Variants in GLIS1 observed in about 807,000 individuals in gnomAD.
GLIS1 encodes the protein GLIS family zinc finger 1.
A neutral mutation model predicts 63.8 loss-of-function variants in GLIS1; 24 were observed. That is an observed-to-expected ratio of 0.38 (90% CI 0.27 to 0.53). The LOEUF is 0.53. GLIS1 is among the 20% of genes least tolerant of loss of function. The probability of loss-of-function intolerance (pLI) is 0.85; values close to 1 mark genes in which losing one functional copy is unlikely to be tolerated. For synonymous variants in GLIS1, 450 were observed against 482.5 expected (o/e 0.93, Z 0.88); for missense variants, 1,036 against 1,074.1 (o/e 0.96, Z 0.50).
At chr1:53,693,407 G>A (rs896920751) in intron 2 of GLIS1, among the ~76,000 whole-genome samples, 1 of 152,160 alleles carries the variant, frequency 6.6e-6, no homozygotes, top group South Asian at 2.1e-4. Context: ...CCCAGCCCTC[G>A]GGGGCAGGCA....
chr1:53,702,839 T>G (rs1173424944), intron 2 of GLIS1, among the ~76,000 whole-genome samples: 1 of 152,152 alleles, frequency 6.6e-6, no homozygotes, highest in Non-Finnish European at 1.5e-5. Flanking sequence ...CTCAGGATCT[T>G]GTCTGCAGAA....
intron 2 of GLIS1, among the ~76,000 whole-genome samples, chr1:53,651,477 G>A (rs1645906406): frequency 6.6e-6 from 1 of 152,126 alleles, no homozygotes. Flanking sequence ...CACAAAACTT[G>A]AGACCCAAAT....
In GLIS1 at chr1:53,642,247, G is replaced by A. The variant is rs1467755870; in HGVS notation, c.260-41969C>T. 2.0e-5 allele frequency among the ~76,000 whole-genome samples: 3 copies of A among 152,262 alleles called. No homozygotes were observed. The East Asian group carries it at 5.8e-4, about 29-fold the overall frequency. On this transcript the variant is annotated intron_variant, in intron 2 of 10. Transcript: ENST00000628545. ...ACAAAGATTCAGATGGTGGGACACT[G>A]TAATTATAAACATCAGCAGCTTGGC...
At chr1:53,588,620 G>A (rs1316835937) in intron 4 of GLIS1, among the ~76,000 whole-genome samples, 1 of 152,226 alleles carries the variant, frequency 6.6e-6, no homozygotes, top group African/African-American at 2.4e-5. Flanking sequence ...AATGGGTGAG[G>A]GGTGTGTGCT....
chr1:53,524,913 G>A (rs751478831), intron 5 of GLIS1, 26 bp from the exon 6 acceptor site: 11 of 1,543,814 alleles, frequency 7.1e-6, no homozygotes, highest in African/African-American at 2.7e-5. Flanking sequence ...CACGGGTGGG[G>A]TGAGTGAGGC....
At chr1:53,538,559 C>T (rs907793166) in intron 4 of GLIS1, among the ~76,000 whole-genome samples, 7 of 152,150 alleles carry the variant, frequency 4.6e-5, no homozygotes, top group African/African-American at 1.4e-4. Flanking sequence ...TAGCCATGAT[C>T]GAGCACTGCC....
intron 2 of GLIS1, among the ~76,000 whole-genome samples, chr1:53,616,794 G>T (rs1172198636): frequency 6.6e-6 from 1 of 152,148 alleles, no homozygotes; most frequent in Non-Finnish European, 1.5e-5. Context: ...GCAGACAGGG[G>T]CAAGAGTTCC....
rs997499347 is a variant in GLIS1, at chr1:53,606,431, G to T, written c.260-6153C>A. ...CACAGGTCAGGCCCTGGCAGGAGGG[G>T]CACCCCAGGAATCACAGGCAGGAGA... is the stretch of plus-strand genomic sequence containing the variant. On this transcript the variant is annotated intron_variant, in intron 2 of 10. Transcript: ENST00000628545. 3.3e-5 allele frequency among the ~76,000 whole-genome samples: 5 copies of T among 152,312 alleles called. No homozygotes were observed. In the South Asian group the frequency reaches 6.2e-4, roughly 19 times the overall value.
At chr1:53,664,146 C>T (rs1350774362) in intron 2 of GLIS1, among the ~76,000 whole-genome samples, 1 of 152,184 alleles carries the variant, frequency 6.6e-6, no homozygotes, top group Admixed American at 6.5e-5. Context: ...CAGGGGAAAG[C>T]CTGGCACATC....
intron 2 of GLIS1, among the ~76,000 whole-genome samples, chr1:53,714,516 G>A (rs1037922048): frequency 3.3e-5 from 5 of 152,154 alleles, no homozygotes; most frequent in Non-Finnish European, 2.9e-5. Flanking sequence ...AAAATAGCCC[G>A]CCTGGTCCTC....
chr1:53,713,023 G>C (rs957378259), intron 2 of GLIS1, among the ~76,000 whole-genome samples: 2 of 152,310 alleles, frequency 1.3e-5, no homozygotes, highest in South Asian at 2.1e-4. Flanking sequence ...GTCAGAAATA[G>C]AGACAGTATC....
At position 53,674,099 on chromosome 1, in the gene GLIS1, G is replaced by A. The variant is rs2100405344; in HGVS notation, c.259+63707C>T. ...AGGCACAAGAATCGCTTGAACCTGGGAGGCAGAGGTTGCAGTGAGCCAAGA... is the reference window on the plus strand; with the variant it reads ...AGGCACAAGAATCGCTTGAACCTGGAAGGCAGAGGTTGCAGTGAGCCAAGA... On this transcript the variant is annotated intron_variant, in intron 2 of 10. Transcript: ENST00000628545. 3.3e-5 allele frequency among the ~76,000 whole-genome samples: 5 copies of A among 151,492 alleles called. No individual in the cohort carries two copies. The South Asian group carries it at 1.0e-3, about 32-fold the overall frequency.
Position 53,524,906 on chromosome 1 carries a change from G to C in GLIS1, c.1483-19C>G. On this transcript the variant is annotated intron_variant, in intron 5 of 10. Transcript: ENST00000628545. ...ACGGCTTCTGTAACATGGGGGGCAC[G>C]GGTGGGGTGAGTGAGGCCCATCCCT... The C allele has an allele frequency of 1.3e-6, 2 of 1,581,028 alleles. No individual in the cohort carries two copies. The highest frequency in any genetic ancestry group is 1.7e-6 in the Non-Finnish European group (2 of 1,151,386).
intron 2 of GLIS1, among the ~76,000 whole-genome samples, chr1:53,609,652 C>T (rs79184370): frequency 0.024 from 3,729 of 152,266 alleles, 57 homozygotes; most frequent in Non-Finnish European, 0.037. Flanking sequence ...TTTTATTATT[C>T]CATTTTATTA....
chr1:53,509,333 C>T, intron 9 of GLIS1, 46 bp from the exon 10 acceptor site: 3 of 1,503,384 alleles, frequency 2.0e-6, no homozygotes, highest in Non-Finnish European at 2.7e-6. Context: ...GGAGAAGTGC[C>T]CAGGGCAGGG....
At chr1:53,580,623 T>A (rs750768498) in intron 4 of GLIS1, among the ~76,000 whole-genome samples, 3 of 152,130 alleles carry the variant, frequency 2.0e-5, no homozygotes, top group Admixed American at 1.3e-4. Flanking sequence ...GGGGCTGGAA[T>A]CCCAGCTCTT....
intron 4 of GLIS1, among the ~76,000 whole-genome samples, chr1:53,532,641 C>T (rs765059459): frequency 3.3e-4 from 50 of 152,222 alleles, no homozygotes; most frequent in African/African-American, 1.1e-3. Flanking sequence ...TGGGGGAGCC[C>T]GGGCTGGAGA....
chr1:53,569,006 G>C (rs950286286), intron 4 of GLIS1, among the ~76,000 whole-genome samples: 3 of 152,178 alleles, frequency 2.0e-5, no homozygotes, highest in Non-Finnish European at 4.4e-5. Flanking sequence ...GCTATAAAAA[G>C]ACCTGGAAGA....
chr1:53,737,282 G>GA (rs1157779579), intron 2 of GLIS1, among the ~76,000 whole-genome samples: 4 of 152,314 alleles, frequency 2.6e-5, no homozygotes, highest in Admixed American at 1.3e-4. Context: ...GTTAGGACGT[G>GA]ACTAGGCTGG....
Sources: gnomAD v4.1 joint callset for allele counts (sites outside exome capture counted in the v4.1 genomes callset) on GRCh38, gnomAD v4.1.1 for gene constraint, MANE v1.5 for transcripts, NCBI Gene and HGNC (gene_info 2026-07-23, HGNC 2026-07-21) for gene names.